KCNAB1: variants seen among roughly 807,000 people sequenced by gnomAD.
KCNAB1 encodes potassium voltage-gated channel subfamily A regulatory beta subunit 1.
KCNAB1 carries 35 observed loss-of-function variants against 64.6 expected under a neutral mutation model. The ratio of observed to expected loss-of-function variants is 0.54; its 90% CI spans 0.41 to 0.72. The LOEUF (loss-of-function observed/expected upper bound fraction) is 0.72, where lower values mean the gene tolerates loss of function less well. Ranked by LOEUF, KCNAB1 falls within the 30% of genes least tolerant of loss-of-function variation. KCNAB1 has a pLI of 0.00. For synonymous variants in KCNAB1, 177 were observed against 183.8 expected (o/e 0.96, Z 0.30); for missense variants, 401 against 512.9 (o/e 0.78, Z 2.11).
intron 1 of KCNAB1, among the ~76,000 whole-genome samples, chr3:156,300,240 T>G (rs1296372190): frequency 6.6e-6 from 1 of 152,234 alleles, no homozygotes; most frequent in African/African-American, 2.4e-5. Flanking sequence ...AATTCCTCTT[T>G]GCAATTGACT....
At chr3:156,213,215 C>CTTTTT (rs5853744) in intron 1 of KCNAB1, among the ~76,000 whole-genome samples, 7 of 142,870 alleles carry the variant, frequency 4.9e-5, no homozygotes, top group Non-Finnish European at 3.0e-5. Flanking sequence ...GTCTCTTTCA[C>CTTTTT]TTTTTTTTTT....
intron 2 of KCNAB1, among the ~76,000 whole-genome samples, chr3:156,447,610 C>A (rs1711664689): frequency 6.6e-6 from 1 of 152,040 alleles, no homozygotes; most frequent in Admixed American, 6.5e-5. Flanking sequence ...ATGATTTAGA[C>A]CCAAATTAAG....
At chr3:156,295,804 G>A (rs1363688394) in intron 1 of KCNAB1, among the ~76,000 whole-genome samples, 1 of 152,090 alleles carries the variant, frequency 6.6e-6, no homozygotes, top group Non-Finnish European at 1.5e-5. Context: ...TAATGATCAA[G>A]TCAGGGTATT....
At chr3:156,231,642 C>G (rs890535928) in intron 1 of KCNAB1, among the ~76,000 whole-genome samples, 4 of 151,898 alleles carry the variant, frequency 2.6e-5, no homozygotes, top group South Asian at 2.1e-4. Flanking sequence ...AACCCGCTCT[C>G]TCTCTGAAGT....
chr3:156,302,536 G>T (rs1449434002), intron 1 of KCNAB1, among the ~76,000 whole-genome samples: 2 of 152,184 alleles, frequency 1.3e-5, no homozygotes, highest in African/African-American at 4.8e-5. Flanking sequence ...CATTGAAAAT[G>T]CTGAGTGCTG....
At chr3:156,201,310 T>C (rs548962873) in intron 1 of KCNAB1, among the ~76,000 whole-genome samples, 17 of 152,340 alleles carry the variant, frequency 1.1e-4, no homozygotes, top group African/African-American at 3.8e-4. Context: ...ATAAATATAA[T>C]TTTAGAACAG....
intron 7 of KCNAB1, among the ~76,000 whole-genome samples, 158 bp downstream of exon 7, chr3:156,465,844 G>A (rs1201733819): frequency 6.6e-6 from 1 of 152,148 alleles, no homozygotes; most frequent in Non-Finnish European, 1.5e-5. Context: ...TATAGGGAAT[G>A]CAGAGATGTA....
intron 8 of KCNAB1, among the ~76,000 whole-genome samples, chr3:156,505,103 A>G (rs1020347149): frequency 6.6e-6 from 1 of 152,132 alleles, no homozygotes; most frequent in African/African-American, 2.4e-5. Flanking sequence ...AGAAATAGGA[A>G]TATAGTTTCA....
At chr3:156,401,052 TCTC>T (rs1164370194) in intron 1 of KCNAB1, among the ~76,000 whole-genome samples, 1 of 152,198 alleles carries the variant, frequency 6.6e-6, no homozygotes, top group East Asian at 1.9e-4. Context: ...AATGAGAAAA[TCTC>T]CTTCTTGGGG....
At chr3:156,212,889 C>G (rs1342758481) in intron 1 of KCNAB1, among the ~76,000 whole-genome samples, 1 of 152,058 alleles carries the variant, frequency 6.6e-6, no homozygotes, top group Non-Finnish European at 1.5e-5. Context: ...AAAATTGTGA[C>G]CGTGTCAGCT....
chr3:156,125,168 A>G (rs1369078427), intron 1 of KCNAB1, among the ~76,000 whole-genome samples: 1 of 152,068 alleles, frequency 6.6e-6, no homozygotes, highest in Non-Finnish European at 1.5e-5. Context: ...CAAAACTTAA[A>G]TGAGATAATG....
chr3:156,302,732 A>G (rs1005516686), intron 1 of KCNAB1, among the ~76,000 whole-genome samples: 2 of 152,208 alleles, frequency 1.3e-5, no homozygotes, highest in African/African-American at 4.8e-5. Context: ...TACGAGGAGT[A>G]TCTCTTTTTT....
chr3:156,469,248 C>CTTTTTTTTTTTTTTTTTTTT (rs34567814), intron 7 of KCNAB1, among the ~76,000 whole-genome samples: 13 of 72,968 alleles, frequency 1.8e-4, no homozygotes, highest in Non-Finnish European at 2.7e-4. Context: ...TTCTTTCTTT[C>CTTTTTTTTTTTTTTTTTTTT]TTTTTTTTTT....
chr3:156,485,544 G>C (rs1270221559), intron 8 of KCNAB1, among the ~76,000 whole-genome samples: 1 of 151,292 alleles, frequency 6.6e-6, no homozygotes, highest in Non-Finnish European at 1.5e-5. Context: ...TTTTTTGGGG[G>C]GGGCATGAAT....
intron 1 of KCNAB1, among the ~76,000 whole-genome samples, chr3:156,141,446 T>C (rs1311345567): frequency 2.6e-5 from 4 of 152,196 alleles, no homozygotes; most frequent in African/African-American, 9.7e-5. Context: ...GAATTTGTTA[T>C]TCCTCTCTAG....
chr3:156,311,653 G>A (rs868642204), intron 1 of KCNAB1, among the ~76,000 whole-genome samples: 69 of 152,322 alleles, frequency 4.5e-4, no homozygotes, highest in African/African-American at 1.6e-3. Context: ...GGGAGTCATT[G>A]CATATTCTTT....
At chr3:156,413,093 TGC>T (rs936375903) in intron 1 of KCNAB1, among the ~76,000 whole-genome samples, 2 of 152,186 alleles carry the variant, frequency 1.3e-5, no homozygotes, top group African/African-American at 4.8e-5. Flanking sequence ...ACTCTAAGGT[TGC>T]AAACACTTGG....
intron 2 of KCNAB1, among the ~76,000 whole-genome samples, chr3:156,427,272 A>G (rs1356380542): frequency 2.0e-5 from 3 of 152,174 alleles, no homozygotes; most frequent in Non-Finnish European, 2.9e-5. Flanking sequence ...TCAGATATCT[A>G]GAGAACAAGG....
At chr3:156,476,722 G>C (rs1232797275) in intron 8 of KCNAB1, among the ~76,000 whole-genome samples, 2 of 152,090 alleles carry the variant, frequency 1.3e-5, no homozygotes, top group Non-Finnish European at 2.9e-5. Context: ...TATTCACACT[G>C]TTTTCCATAG....
Sources: gnomAD v4.1 joint callset for allele counts (sites outside exome capture counted in the v4.1 genomes callset) on GRCh38, gnomAD v4.1.1 for gene constraint, MANE v1.5 for transcripts, NCBI Gene and HGNC (gene_info 2026-07-23, HGNC 2026-07-21) for gene names.